The following EVC2 variants were observed in gnomAD, a reference collection of about 807,000 sequenced individuals.
EVC2 encodes EvC ciliary complex subunit 2.
Under a neutral mutation model 149.3 loss-of-function variants are expected in EVC2, and 148 were observed. That is an observed-to-expected ratio of 0.99 (90% CI 0.87 to 1.14). EVC2 has a LOEUF of 1.14. EVC2 is among the 50% of genes most tolerant of loss of function. The pLI is 0.00. For missense variants in EVC2, 1,854 were observed against 1,627.3 expected (o/e 1.14, Z -2.40); for synonymous variants, 776 against 649.9 (o/e 1.19, Z -2.95).
At chr4:5,694,674 A>G (rs1007229588) in intron 2 of EVC2, among the ~76,000 whole-genome samples, 173 bp from the exon 3 acceptor site, 2 of 152,238 alleles carry the variant, frequency 1.3e-5, no homozygotes, top group Non-Finnish European at 2.9e-5. Context: ...AAAATGAGAC[A>G]TGCTCACTGG....
In EVC2 at chr4:5,618,212, C is replaced by T. The variant is rs28489765; in HGVS notation, c.2706+266G>A. On this transcript the variant is annotated intron_variant, in intron 15 of 21. Coordinates refer to ENST00000344408, the MANE Select transcript of EVC2 (RefSeq NM_147127.5). This position sits in a 1 kb window ranked among gnomAD's most constrained non-coding sequence, Gnocchi z 4.4. ...CTTCCCTCAGGAGATTGTGGCTGCG[C>T]AAGGCTGACACAGCTGCTGGTGGAT... Among the ~76,000 whole-genome samples, 18,490 of 152,160 alleles carry T rather than the reference C, an allele frequency of 0.12. 2,277 individuals carry two copies. The highest frequency in any genetic ancestry group is 0.32 in the African/African-American group (13,080 of 41,456).
intron 11 of EVC2, among the ~76,000 whole-genome samples, chr4:5,630,334 G>C (rs1342405762): frequency 1.3e-5 from 2 of 152,138 alleles, no homozygotes; most frequent in Admixed American, 6.5e-5. Flanking sequence ...TCAGTGGTTG[G>C]GTGAATGCTG....
chr4:5,639,316 G>C (rs1287354177), intron 10 of EVC2, among the ~76,000 whole-genome samples: 1 of 152,192 alleles, frequency 6.6e-6, no homozygotes, highest in Non-Finnish European at 1.5e-5. Context: ...AAATGAATAA[G>C]CCATTTCTTT....
intron 21 of EVC2, among the ~76,000 whole-genome samples, chr4:5,555,091 G>A (rs996451427): frequency 6.6e-6 from 1 of 151,600 alleles, no homozygotes; most frequent in Non-Finnish European, 1.5e-5. Context: ...CATCTCCATA[G>A]TAGAAGGTCA....
intron 19 of EVC2, among the ~76,000 whole-genome samples, chr4:5,570,841 G>A (rs1453198019): frequency 2.0e-5 from 3 of 152,170 alleles, no homozygotes; most frequent in Non-Finnish European, 4.4e-5. Context: ...AATGGCCTTT[G>A]CAGCAACTTG....
At position 5,576,138 on chromosome 4, in the gene EVC2, G is replaced by C; in HGVS notation, c.3272+102C>G. On this transcript the variant is annotated intron_variant, in intron 18 of 21. Coordinates refer to ENST00000344408, the MANE Select transcript of EVC2 (RefSeq NM_147127.5). The surrounding 1 kb of genome is among the most constrained non-coding windows in gnomAD (Gnocchi z 4.5). ...ATGGGATGACACCTTAGGCAAGAGGGTGAGAGCCCAGGTGGGTATGGGTGG... is the reference window on the plus strand; with the variant it reads ...ATGGGATGACACCTTAGGCAAGAGGCTGAGAGCCCAGGTGGGTATGGGTGG... The C allele has an allele frequency of 1.9e-6, 3 of 1,590,718 alleles. No homozygotes were observed. Among genetic ancestry groups the C allele is most frequent in the South Asian group, 2.2e-5 (2 of 89,926 alleles).
chr4:5,558,781 G>A (rs1721886381), downstream of EVC2, among the ~76,000 whole-genome samples: 1 of 152,196 alleles, frequency 6.6e-6, no homozygotes, highest in African/African-American at 2.4e-5. Flanking sequence ...TGAGAAAGTT[G>A]TTTCCCACAT....
At position 5,633,696 on chromosome 4, in the gene EVC2, G is replaced by T. The variant is rs1716711092; in HGVS notation, c.1471-1664C>A. On this transcript the variant is annotated intron_variant, in intron 10 of 21. Transcript: ENST00000344408. The surrounding 1 kb of genome is among the most constrained non-coding windows in gnomAD (Gnocchi z 4.4). Reference sequence around the variant, plus strand: ...TGTGGCATCATGCCATGGCTGGGCTGAGTAGAAGCCCGAGGAAGGCAGAAG... The same window carrying T: ...TGTGGCATCATGCCATGGCTGGGCTTAGTAGAAGCCCGAGGAAGGCAGAAG... 6.6e-6 allele frequency among the ~76,000 whole-genome samples: 1 copy of T among 152,262 alleles called. No individual in the cohort carries two copies. Among genetic ancestry groups the T allele is most frequent in the African/African-American group, 2.4e-5 (1 of 41,482 alleles).
At chr4:5,575,173 C>T (rs897754466) in intron 18 of EVC2, among the ~76,000 whole-genome samples, 1 of 152,204 alleles carries the variant, frequency 6.6e-6, no homozygotes, top group African/African-American at 2.4e-5. Context: ...AAAAGGATGA[C>T]ACCTTTTCAC....
upstream of EVC2, chr4:5,708,659 G>C (rs1490797447): frequency 5.2e-6 from 3 of 571,532 alleles, no homozygotes; most frequent in African/African-American, 4.0e-5. Context: ...TCTGGGGCTT[G>C]GCGGGCCAGG....
intron 9 of EVC2, among the ~76,000 whole-genome samples, chr4:5,656,431 T>C (rs995067184): frequency 2.6e-5 from 4 of 152,192 alleles, no homozygotes; most frequent in Admixed American, 6.5e-5. Flanking sequence ...CCCTAATTCC[T>C]GGAACCTGGA....
chr4:5,609,204 C>T (rs1421235002), intron 16 of EVC2, among the ~76,000 whole-genome samples: 2 of 152,166 alleles, frequency 1.3e-5, no homozygotes, highest in African/African-American at 4.8e-5. Context: ...TATCTATCTA[C>T]CCTCTTACCT....
rs772566880 is a variant in EVC2 at position 5,562,950 on chromosome 4, G to A, written c.3825C>T (p.Phe1275=). The A allele has an allele frequency of 3.2e-5, 51 of 1,613,916 alleles. No individual in the cohort carries two copies. The highest frequency in any genetic ancestry group is 3.6e-5 in the Non-Finnish European group (42 of 1,180,012). ...AGATCTCTGGCTCCTTTGGATTTCT[G>A]AATATAAAGAGCTTCTCTCCTGTGT... ...LLNTGEKLFI[F]RNPKEPEISL... is the part of the protein sequence containing the mutation. Residue 1275 remains phenylalanine (F), a synonymous_variant, in exon 22 of 22, where the codon TTC becomes TTT. Transcript: ENST00000344408. The surrounding 1 kb of genome is among the most constrained non-coding windows in gnomAD (Gnocchi z 4.3).
chr4:5,529,314 C>T, the EVC2 span, among the ~76,000 whole-genome samples: 2 of 152,268 alleles, frequency 1.3e-5, no homozygotes, highest in East Asian at 1.9e-4. This position sits in a 1 kb window ranked among gnomAD's most constrained non-coding sequence, Gnocchi z 4.5. Context: ...CTGTCTCGCT[C>T]CTGTGTCTTA....
chr4:5,693,401 C>T (rs1047963879), intron 3 of EVC2, among the ~76,000 whole-genome samples: 1 of 152,160 alleles, frequency 6.6e-6, no homozygotes, highest in Non-Finnish European at 1.5e-5. Flanking sequence ...TGACAAGTGT[C>T]CTTATAAGTG....
intron 9 of EVC2, among the ~76,000 whole-genome samples, chr4:5,643,825 G>A (rs1717515889): frequency 6.6e-6 from 1 of 152,130 alleles, no homozygotes; most frequent in Admixed American, 6.5e-5. Flanking sequence ...GGTGGCTGAG[G>A]CGGAGGTTGC....
chr4:5,569,988 T>C lies in EVC2; in HGVS notation c.3361-1348A>G, dbSNP rs1722551589. On this transcript the variant is annotated intron_variant, in intron 19 of 21. Transcript: ENST00000344408. The surrounding 1 kb of genome is among the most constrained non-coding windows in gnomAD (Gnocchi z 4.8). ...GAGCTTCCTTCAGCCTAGAGTACATTTCTCCTAAGCTACTCTCTGTCTCTC... is the reference window on the plus strand; with the variant it reads ...GAGCTTCCTTCAGCCTAGAGTACATCTCTCCTAAGCTACTCTCTGTCTCTC... Among the ~76,000 whole-genome samples the C allele has an allele frequency of 6.6e-6, 1 of 152,094 alleles. No individual in the cohort carries two copies. The highest frequency in any genetic ancestry group is 2.4e-5 in the African/African-American group (1 of 41,406).
chr4:5,709,181 C>A (rs1473854705), upstream of EVC2: 1 of 152,518 alleles, frequency 6.6e-6, no homozygotes, highest in African/African-American at 2.4e-5. Flanking sequence ...AAGAGGGGAG[C>A]TGGTGTCTGA....
At chr4:5,615,358 T>TC in intron 16 of EVC2, 64 bp downstream of exon 16, 1 of 1,611,386 alleles carries the variant, frequency 6.2e-7, no homozygotes, top group Non-Finnish European at 8.5e-7. Flanking sequence ...TGCAAATGTG[T>TC]CAGCTATCAG....
Sources: gnomAD v4.1 joint callset for allele counts (sites outside exome capture counted in the v4.1 genomes callset) on GRCh38, gnomAD v4.1.1 for gene constraint, Gnocchi (gnomAD v3.1) non-coding constraint, MANE v1.5 for transcripts, NCBI Gene and HGNC (gene_info 2026-07-23, HGNC 2026-07-21) for gene names.